THSD4: variants seen among roughly 807,000 people sequenced by gnomAD.
THSD4 encodes the protein thrombospondin type-1 domain-containing protein 4.
A neutral mutation model predicts 119.0 loss-of-function variants in THSD4; 69 were observed. That is an observed-to-expected ratio of 0.58 (90% CI 0.48 to 0.71). The LOEUF (loss-of-function observed/expected upper bound fraction) is 0.71. Ranked by LOEUF, THSD4 falls within the 30% of genes least tolerant of loss-of-function variation. The pLI is 0.00. For synonymous variants in THSD4, 524 were observed against 540.4 expected (o/e 0.97, Z 0.42); for missense variants, 1,393 against 1,391.1 (o/e 1.00, Z -0.02).
At chr15:71,684,631 A>G (rs1007776381) in intron 8 of THSD4, among the ~76,000 whole-genome samples, 2 of 150,066 alleles carry the variant, frequency 1.3e-5, no homozygotes, top group Non-Finnish European at 3.0e-5. Flanking sequence ...ACCCTGTTTC[A>G]TCTTGCTGAA....
chr15:71,671,377 G>C (rs561248161), intron 8 of THSD4, among the ~76,000 whole-genome samples: 1 of 152,276 alleles, frequency 6.6e-6, no homozygotes, highest in Non-Finnish European at 1.5e-5. Context: ...GTAGATTCTG[G>C]ATATTAGCCC....
At chr15:71,355,579 AG>A (rs1182204564) in intron 6 of THSD4, among the ~76,000 whole-genome samples, 1 of 152,126 alleles carries the variant, frequency 6.6e-6, no homozygotes, top group African/African-American at 2.4e-5. Context: ...TGGTGCCTAG[AG>A]GAAGGATAAT....
chr15:71,724,287 A>ATATATATATATATATATTT, intron 8 of THSD4, among the ~76,000 whole-genome samples: 36 of 37,256 alleles, frequency 9.7e-4, no homozygotes, highest in East Asian at 8.9e-3. Context: ...ATATATATAT[A>ATATATATATATATATATTT]TTTTTTTTTT....
intron 3 of THSD4, among the ~76,000 whole-genome samples, chr15:71,168,241 G>A (rs555001698): frequency 3.3e-5 from 5 of 152,264 alleles, no homozygotes; most frequent in East Asian, 1.9e-4. Context: ...AAAATATGTC[G>A]ATTGTAGAAT....
intron 7 of THSD4, among the ~76,000 whole-genome samples, chr15:71,488,503 T>G (rs2140688985): frequency 9.8e-6 from 1 of 102,082 alleles, no homozygotes; most frequent in African/African-American, 3.5e-5. Context: ...TCCTGTTCTG[T>G]AAAGTTTGGT....
At chr15:71,383,319 T>C (rs1366266146) in intron 6 of THSD4, among the ~76,000 whole-genome samples, 2 of 152,308 alleles carry the variant, frequency 1.3e-5, no homozygotes, top group South Asian at 2.1e-4. Flanking sequence ...ATTTTTTTCC[T>C]AAATTTGCAT....
intron 6 of THSD4, among the ~76,000 whole-genome samples, chr15:71,356,316 C>T (rs2045809781): frequency 6.6e-6 from 1 of 152,186 alleles, no homozygotes; most frequent in Non-Finnish European, 1.5e-5. Context: ...CTGAGGTGGC[C>T]ATGCAGTCAT....
At chr15:71,561,839 G>T (rs931298940) in intron 7 of THSD4, among the ~76,000 whole-genome samples, 1 of 150,424 alleles carries the variant, frequency 6.6e-6, no homozygotes, top group African/African-American at 2.5e-5. Context: ...AGCAAAGGGT[G>T]GACCCAGGAC....
At chr15:71,226,800 G>A (rs948447090) in intron 4 of THSD4, among the ~76,000 whole-genome samples, 1 of 152,168 alleles carries the variant, frequency 6.6e-6, no homozygotes, top group Non-Finnish European at 1.5e-5. Context: ...CCTTATCTGT[G>A]TTTCTCCTTG....
intron 8 of THSD4, among the ~76,000 whole-genome samples, chr15:71,670,546 G>A (rs921166498): frequency 8.0e-5 from 12 of 150,926 alleles, no homozygotes; most frequent in South Asian, 2.1e-4. Flanking sequence ...TGTGCACAAC[G>A]TGCAGGTTTG....
At chr15:71,263,730 G>A (rs187165652) in intron 6 of THSD4, among the ~76,000 whole-genome samples, 35 of 152,278 alleles carry the variant, frequency 2.3e-4, no homozygotes, top group Non-Finnish European at 4.4e-5. Flanking sequence ...GATCCACATT[G>A]TTTCTGCTCA....
At chr15:71,505,402 CTT>C (rs369630807) in intron 7 of THSD4, among the ~76,000 whole-genome samples, 13 of 152,194 alleles carry the variant, frequency 8.5e-5, no homozygotes, top group African/African-American at 2.9e-4. Context: ...TTTAAAAAGA[CTT>C]TTGTAGAGTT....
intron 8 of THSD4, among the ~76,000 whole-genome samples, chr15:71,695,903 A>G (rs2052156180): frequency 6.6e-6 from 1 of 152,224 alleles, no homozygotes; most frequent in Non-Finnish European, 1.5e-5. Context: ...ATATAAGACA[A>G]TAAGTGTGTG....
chr15:71,132,483 T>C (rs995497418), intron 1 of THSD4, among the ~76,000 whole-genome samples: 4 of 152,236 alleles, frequency 2.6e-5, no homozygotes, highest in Admixed American at 2.6e-4. Flanking sequence ...ATGATATGTA[T>C]AAGCATTATG....
rs1049349972 is a variant in THSD4, at chr15:71,569,035, A to G, written c.1153-91495A>G. Among the ~76,000 whole-genome samples the G allele has an allele frequency of 3.3e-5, 5 of 152,224 alleles. No individual in the cohort carries two copies. The South Asian group carries it at 8.3e-4, about 25-fold the overall frequency. The stretch of plus-strand genomic sequence containing the variant: ...AATGAAAAAGTGTTGTCTCATCTGA[A>G]TATGTTTTTACCATAACATCCCCCA... On this transcript the variant is annotated intron_variant, in intron 7 of 17. Coordinates refer to ENST00000261862, the MANE Select transcript of THSD4 (RefSeq NM_024817.3).
chr15:71,567,305 C>T (rs2049260648), intron 7 of THSD4, among the ~76,000 whole-genome samples: 1 of 152,000 alleles, frequency 6.6e-6, no homozygotes, highest in South Asian at 2.1e-4. Flanking sequence ...GTTCCTTTGG[C>T]AGGTGGTTCT....
intron 3 of THSD4, among the ~76,000 whole-genome samples, chr15:71,196,259 G>A (rs551518250): frequency 6.6e-6 from 1 of 152,182 alleles, no homozygotes; most frequent in South Asian, 2.1e-4. Context: ...TTATCACATT[G>A]GCAGCACCTG....
chr15:71,774,589 A>G (rs1334849071), intron 17 of THSD4, among the ~76,000 whole-genome samples: 1 of 152,092 alleles, frequency 6.6e-6, no homozygotes, highest in African/African-American at 2.4e-5. Context: ...TTCTAGGAAT[A>G]TATACTAAAA....
At chr15:71,636,403 A>G (rs977261261) in intron 7 of THSD4, among the ~76,000 whole-genome samples, 2 of 152,220 alleles carry the variant, frequency 1.3e-5, no homozygotes, top group Admixed American at 6.5e-5. Context: ...AGCCTGGGCA[A>G]CAGAGCCAGA....
Sources: gnomAD v4.1 joint callset for allele counts (sites outside exome capture counted in the v4.1 genomes callset) on GRCh38, gnomAD v4.1.1 for gene constraint, MANE v1.5 for transcripts, NCBI Gene and HGNC (gene_info 2026-07-23, HGNC 2026-07-21) for gene names.